The following PDE1C variants were observed in gnomAD, a reference collection of about 807,000 sequenced individuals.
PDE1C encodes dual specificity calcium/calmodulin-dependent 3',5'-cyclic nucleotide phosphodiesterase 1C.
PDE1C carries 62 observed loss-of-function variants against 93.1 expected under a neutral mutation model. The ratio of observed to expected loss-of-function variants is 0.67; its 90% CI spans 0.54 to 0.82. PDE1C has a LOEUF of 0.82. Ranked by LOEUF, PDE1C falls within the 40% of genes least tolerant of loss-of-function variation. The probability of loss-of-function intolerance (pLI) is 0.00; values close to 1 mark genes in which losing one functional copy is unlikely to be tolerated. For synonymous variants in PDE1C, 325 were observed against 310.1 expected, an observed-to-expected ratio of 1.05 and a Z score of -0.50; for missense variants, 742 against 884.6, an observed-to-expected ratio of 0.84 and a Z score of 2.04.
intron 2 of PDE1C, among the ~76,000 whole-genome samples, chr7:32,176,808 G>C (rs1803022844): frequency 6.6e-6 from 1 of 152,096 alleles, no homozygotes; most frequent in Non-Finnish European, 1.5e-5. Flanking sequence ...CTGTAGGACA[G>C]AGCAAATAAG....
At chr7:31,842,467 C>T (rs1792038942) in intron 9 of PDE1C, among the ~76,000 whole-genome samples, 1 of 152,070 alleles carries the variant, frequency 6.6e-6, no homozygotes, top group South Asian at 2.1e-4. Flanking sequence ...AATTTTTTAA[C>T]AGACATAGGA....
intron 2 of PDE1C, among the ~76,000 whole-genome samples, chr7:32,014,936 C>T (rs146280516): frequency 7.9e-5 from 12 of 152,206 alleles, no homozygotes; most frequent in African/African-American, 7.2e-5. Flanking sequence ...ATAATCTTCA[C>T]GTGTCAAGGG....
chr7:31,848,823 C>A (rs144920305), intron 8 of PDE1C, among the ~76,000 whole-genome samples: 1 of 152,270 alleles, frequency 6.6e-6, no homozygotes, highest in East Asian at 1.9e-4. Context: ...GGGATGAAGG[C>A]AAGATCTTCT....
chr7:32,146,057 T>C (rs1210490549), intron 3 of PDE1C, among the ~76,000 whole-genome samples: 1 of 152,194 alleles, frequency 6.6e-6, no homozygotes, highest in Non-Finnish European at 1.5e-5. Context: ...ATGGGGGAAC[T>C]GGAAGCTAAT....
intron 2 of PDE1C, among the ~76,000 whole-genome samples, chr7:32,007,406 G>C (rs1052301055): frequency 6.6e-6 from 1 of 152,162 alleles, no homozygotes; most frequent in Non-Finnish European, 1.5e-5. Context: ...TTGTAAATCA[G>C]ATCAGTTTTA....
At chr7:31,680,304 AATG>A in the PDE1C span, among the ~76,000 whole-genome samples, 1 of 152,074 alleles carries the variant, frequency 6.6e-6, no homozygotes, top group Non-Finnish European at 1.5e-5. Context: ...TGAGCAAGTA[AATG>A]ATGAGTCAGA....
chr7:32,304,276 G>A (rs1398164451), upstream of PDE1C, among the ~76,000 whole-genome samples: 1 of 152,212 alleles, frequency 6.6e-6, no homozygotes, highest in Non-Finnish European at 1.5e-5. Flanking sequence ...CTGTTTGCCT[G>A]CCCATCTCCT....
chr7:32,095,731 T>C (rs1797716581), intron 3 of PDE1C, among the ~76,000 whole-genome samples: 1 of 152,220 alleles, frequency 6.6e-6, no homozygotes. Context: ...GGTGCTTCTC[T>C]GTTTCCTGAA....
intron 2 of PDE1C, among the ~76,000 whole-genome samples, chr7:31,906,633 T>A (rs1349721791): frequency 1.3e-5 from 2 of 151,950 alleles, no homozygotes; most frequent in South Asian, 2.1e-4. Context: ...AACCTTCAAG[T>A]TGGGTGAGAG....
intron 2 of PDE1C, among the ~76,000 whole-genome samples, chr7:32,171,820 C>T (rs987933242): frequency 1.4e-5 from 2 of 148,070 alleles, no homozygotes; most frequent in African/African-American, 5.0e-5. Flanking sequence ...GAGGGACTAG[C>T]ATATAAGGAA....
rs1419490410 is a variant in PDE1C at position 32,304,596 on chromosome 7, C to T, written c.311-95057G>A. Reference sequence around the variant, plus strand: ...CAAAAAGCTCCTCTTTTTGTTTCCTCAAAACACGGCTCCACGGCAAATAGG... The same window carrying T: ...CAAAAAGCTCCTCTTTTTGTTTCCTTAAAACACGGCTCCACGGCAAATAGG... On this transcript the variant is annotated intron_variant, in intron 1 of 1. Coordinates refer to the PDE1C transcript ENST00000672256. Among the ~76,000 whole-genome samples the T allele has an allele frequency of 1.3e-5, 2 of 151,984 alleles. 1 individual carries two copies. Among genetic ancestry groups the T allele is most frequent in the Middle Eastern group, 6.8e-3 (2 of 294 alleles).
Position 31,756,741 on chromosome 7 carries a change from G to A in PDE1C, c.1961-3188C>T, listed in dbSNP as rs1290228546. Among the ~76,000 whole-genome samples, 6 of 152,262 alleles carry A rather than the reference G, an allele frequency of 3.9e-5. No individual in the cohort carries two copies. The East Asian group carries it at 1.2e-3, about 29-fold the overall frequency. On this transcript the variant is annotated intron_variant, in intron 17 of 17. Coordinates refer to ENST00000396191, the MANE Select transcript of PDE1C (RefSeq NM_001191057.4). Reference sequence around the variant, plus strand: ...TTCTGCTGGAAAGTGTTTGGTCAGTGAGATAATGTCAACATGAATAAAGGT... The same window carrying A: ...TTCTGCTGGAAAGTGTTTGGTCAGTAAGATAATGTCAACATGAATAAAGGT...
the PDE1C span, among the ~76,000 whole-genome samples, chr7:31,659,802 T>G: frequency 2.0e-5 from 3 of 152,310 alleles, no homozygotes; most frequent in South Asian, 6.2e-4. Flanking sequence ...TAGCAGAAAC[T>G]TCCAACTCTA....
At chr7:32,391,469 G>C (rs1784749325) in intron 1 of PDE1C, among the ~76,000 whole-genome samples, 2 of 152,148 alleles carry the variant, frequency 1.3e-5, no homozygotes, top group African/African-American at 4.8e-5. Flanking sequence ...CAAGAGTATA[G>C]AGAATTCAAA....
the PDE1C span, among the ~76,000 whole-genome samples, chr7:31,736,804 G>C: frequency 1.3e-5 from 2 of 152,202 alleles, no homozygotes; most frequent in Non-Finnish European, 2.9e-5. Flanking sequence ...AGAATCCCTT[G>C]TGTGGGGGGA....
intron 2 of PDE1C, among the ~76,000 whole-genome samples, chr7:31,898,528 C>T (rs1799592975): frequency 6.6e-6 from 1 of 152,100 alleles, no homozygotes; most frequent in African/African-American, 2.4e-5. Flanking sequence ...TCCACTATTG[C>T]AGGACATTTA....
chr7:31,754,474 G>A (rs577843935), intron 17 of PDE1C, among the ~76,000 whole-genome samples: 9 of 152,228 alleles, frequency 5.9e-5, no homozygotes, highest in African/African-American at 2.2e-4. Flanking sequence ...GCCAAAAGCT[G>A]GAAGCAACTA....
At chr7:32,354,587 A>T (rs1487644965) in intron 1 of PDE1C, among the ~76,000 whole-genome samples, 1 of 152,178 alleles carries the variant, frequency 6.6e-6, no homozygotes, top group East Asian at 1.9e-4. Context: ...TGACAGAATG[A>T]TACCTTGTTT....
chr7:32,369,392 T>A (rs1784284740), intron 1 of PDE1C, among the ~76,000 whole-genome samples: 1 of 152,276 alleles, frequency 6.6e-6, no homozygotes, highest in Middle Eastern at 3.4e-3. Context: ...TGGAAAAAAT[T>A]ATCAACATCA....
Sources: allele counts gnomAD v4.1 joint callset (sites outside exome capture counted in the v4.1 genomes callset), GRCh38; gene constraint gnomAD v4.1.1; transcripts MANE v1.5; gene names NCBI Gene and HGNC (gene_info 2026-07-23, HGNC 2026-07-21).